OSBPL9: variants seen among roughly 807,000 people sequenced by gnomAD.
OSBPL9 encodes oxysterol-binding protein-related protein 9.
OSBPL9 carries 40 observed loss-of-function variants against 106.6 expected under a neutral mutation model. That is an observed-to-expected ratio of 0.38 (90% CI 0.29 to 0.49). The LOEUF is 0.49. OSBPL9 is among the 20% of genes least tolerant of loss of function. The pLI, the probability that OSBPL9 is intolerant of heterozygous loss-of-function variation, is 0.97. For synonymous variants in OSBPL9, 269 were observed against 295.4 expected (o/e 0.91, Z 0.92); for missense variants, 609 against 887.2 (o/e 0.69, Z 3.98).
At chr1:51,609,946 A>G (rs1485124801) in intron 2 of OSBPL9, among the ~76,000 whole-genome samples, 1 of 150,498 alleles carries the variant, frequency 6.6e-6, no homozygotes, top group Non-Finnish European at 1.5e-5. Context: ...ATGGGGTTTC[A>G]CCATGTTGGC....
At position 51,607,027 on chromosome 1, in the gene OSBPL9, G is replaced by T. The variant is rs138781702; in HGVS notation, c.-352-7278G>T. ...ATCGCGCCACTGCACTCCAGCCTGGGCGACAGAGTGAGACTCCATCTCAAA... is the reference window on the plus strand; with the variant it reads ...ATCGCGCCACTGCACTCCAGCCTGGTCGACAGAGTGAGACTCCATCTCAAA... On this transcript the variant is annotated intron_variant, in intron 2 of 25. Transcript: ENST00000371714. Among the ~76,000 whole-genome samples the T allele has an allele frequency of 5.6e-3, 856 of 151,642 alleles. 2 individuals carry two copies. The highest frequency in any genetic ancestry group is 0.02 in the African/African-American group (811 of 41,312).
the OSBPL9 span, among the ~76,000 whole-genome samples, chr1:51,548,504 C>A: frequency 6.6e-6 from 1 of 152,084 alleles, no homozygotes; most frequent in Non-Finnish European, 1.5e-5. Flanking sequence ...TCAAGCGATC[C>A]TCTAACCTCA....
intron 4 of OSBPL9, among the ~76,000 whole-genome samples, chr1:51,725,668 G>C (rs899248554): frequency 1.3e-5 from 2 of 152,168 alleles, no homozygotes; most frequent in African/African-American, 4.8e-5. Flanking sequence ...AGTAGGGCTA[G>C]AGAGGACTGA....
At chr1:51,748,250 T>C (rs372839728) in intron 6 of OSBPL9, 119 bp from the exon 7 acceptor site, 16 of 1,198,380 alleles carry the variant, frequency 1.3e-5, no homozygotes, top group African/African-American at 1.3e-4. Flanking sequence ...CCCAACTTGC[T>C]TGTACTCACT....
At chr1:51,555,425 G>A in the OSBPL9 span, among the ~76,000 whole-genome samples, 1 of 151,778 alleles carries the variant, frequency 6.6e-6, no homozygotes, top group African/African-American at 2.4e-5. Flanking sequence ...GGGAGTTGGA[G>A]GTTGCAGTGA....
At chr1:51,615,952 C>T (rs2148608327), upstream of OSBPL9, among the ~76,000 whole-genome samples, 1 of 151,260 alleles carries the variant, frequency 6.6e-6, no homozygotes, top group African/African-American at 2.4e-5. Context: ...TGCTGTATTC[C>T]CAGGACCTCC....
At chr1:51,760,825 T>C in intron 10 of OSBPL9, 45 bp downstream of exon 10, 1 of 1,596,670 alleles carries the variant, frequency 6.3e-7, no homozygotes, top group Non-Finnish European at 8.6e-7. Context: ...GAGAAAAAAA[T>C]AATTTGTGTG....
intron 1 of OSBPL9, among the ~76,000 whole-genome samples, chr1:51,592,392 G>A (rs1645281533): frequency 6.6e-6 from 1 of 152,186 alleles, no homozygotes; most frequent in African/African-American, 2.4e-5. Context: ...TGGGATTACA[G>A]GCGTGAGCCA....
intron 13 of OSBPL9, 55 bp downstream of exon 13, chr1:51,772,237 A>G: frequency 7.1e-7 from 1 of 1,413,386 alleles, no homozygotes; most frequent in Non-Finnish European, 9.8e-7. Flanking sequence ...TTGTGGCCAG[A>G]TGTGGTGGCT....
chr1:51,617,372 TC>T (rs1234472477), intron 1 of OSBPL9, 151 bp downstream of exon 1: 11 of 752,976 alleles, frequency 1.5e-5, no homozygotes, highest in African/African-American at 3.5e-5. Context: ...GGGTTTTACG[TC>T]TCGGATAGCC....
At chr1:51,777,149 G>A (rs1675268266) in intron 15 of OSBPL9, among the ~76,000 whole-genome samples, 1 of 152,172 alleles carries the variant, frequency 6.6e-6, no homozygotes, top group African/African-American at 2.4e-5. Context: ...CCCGTTAATA[G>A]GTAGCCAATA....
intron 2 of OSBPL9, among the ~76,000 whole-genome samples, chr1:51,609,101 A>G (rs1643968234): frequency 6.6e-6 from 1 of 152,168 alleles, no homozygotes; most frequent in African/African-American, 2.4e-5. Flanking sequence ...GAGTTCACCA[A>G]GGAGAATGCC....
At chr1:51,536,393 G>C in the OSBPL9 span, among the ~76,000 whole-genome samples, 1 of 152,124 alleles carries the variant, frequency 6.6e-6, no homozygotes, top group African/African-American at 2.4e-5. Context: ...TTACAACCTT[G>C]AATTCCTGGG....
chr1:51,621,671 G>C (rs779154922), intron 1 of OSBPL9, among the ~76,000 whole-genome samples: 1 of 152,148 alleles, frequency 6.6e-6, no homozygotes, highest in Non-Finnish European at 1.5e-5. Context: ...GTTTGAGTCA[G>C]AATTCCAAAC....
chr1:51,746,002 C>T (rs2149002113), intron 5 of OSBPL9, among the ~76,000 whole-genome samples: 1 of 152,230 alleles, frequency 6.6e-6, no homozygotes, highest in East Asian at 1.9e-4. Flanking sequence ...CACTCTGTCA[C>T]CCAGGCTGGA....
the OSBPL9 span, among the ~76,000 whole-genome samples, chr1:51,523,910 G>A: frequency 5.0e-3 from 768 of 152,260 alleles, 7 homozygotes; most frequent in African/African-American, 0.017. Flanking sequence ...AGAAAGTTGA[G>A]AAATGTGAAG....
intron 5 of OSBPL9, 26 bp downstream of exon 5, chr1:51,745,657 T>C: frequency 6.8e-7 from 1 of 1,466,372 alleles, no homozygotes. Flanking sequence ...GTATATTAAA[T>C]TTATATAAAT....
At chr1:51,538,487 T>C in the OSBPL9 span, 3 of 152,238 alleles carry the variant, frequency 2.0e-5, no homozygotes, top group Non-Finnish European at 4.4e-5. Flanking sequence ...AGAGTGATTA[T>C]ATTACTTATT....
intron 2 of OSBPL9, among the ~76,000 whole-genome samples, chr1:51,600,142 G>T (rs536614468): frequency 9.2e-5 from 14 of 152,312 alleles, no homozygotes; most frequent in African/African-American, 3.4e-4. Flanking sequence ...ATGAATTTTG[G>T]AGGGACACTT....
Sources: allele counts gnomAD v4.1 joint callset (sites outside exome capture counted in the v4.1 genomes callset), GRCh38; gene constraint gnomAD v4.1.1; transcripts MANE v1.5; gene names NCBI Gene and HGNC (gene_info 2026-07-23, HGNC 2026-07-21).